RALY: variants seen among roughly 807,000 people sequenced by gnomAD.
RALY encodes RALY heterogeneous nuclear ribonucleoprotein.
Under a neutral mutation model 30.7 loss-of-function variants are expected in RALY, and 15 were observed. That is an observed-to-expected ratio of 0.49 (90% CI 0.33 to 0.75). The LOEUF (loss-of-function observed/expected upper bound fraction) is 0.75, where lower values mean the gene tolerates loss of function less well. Among genes scored for constraint, RALY ranks in the 30% least tolerant of loss-of-function variants. RALY has a pLI of 0.02. For missense variants in RALY, 339 were observed against 414.3 expected (o/e 0.82, Z 1.58); for synonymous variants, 177 against 170.8 (o/e 1.04, Z -0.28).
chr20:34,023,012 GCAGT>G (rs1027609130), intron 1 of RALY, among the ~76,000 whole-genome samples: 1 of 152,136 alleles, frequency 6.6e-6, no homozygotes, highest in African/African-American at 2.4e-5. Context: ...CCAGGAACTG[GCAGT>G]CAGTCTGACT....
intron 1 of RALY, among the ~76,000 whole-genome samples, chr20:34,011,049 A>G (rs1300026330): frequency 6.6e-6 from 1 of 151,704 alleles, no homozygotes; most frequent in Non-Finnish European, 1.5e-5. Context: ...GGGGTTCTCA[A>G]ACTGGAACAC....
intron 2 of RALY, among the ~76,000 whole-genome samples, chr20:34,052,786 T>C (rs1390960937): frequency 6.6e-6 from 1 of 152,038 alleles, no homozygotes; most frequent in African/African-American, 2.4e-5. Flanking sequence ...AGGCCCACAG[T>C]CCCCACAGTC....
rs978643952 is a variant in RALY, at chr20:34,081,954, C to T, written c.*2049C>T. The T allele has an allele frequency of 1.3e-5, 2 of 152,418 alleles. No individual in the cohort carries two copies. Among genetic ancestry groups the T allele is most frequent in the Non-Finnish European group, 2.9e-5 (2 of 68,206 alleles). The allele number at this position is 152,418 out of a possible 1,614,324, so 9.4% of individuals were successfully genotyped here. A position where few individuals can be genotyped will look rare whatever the true frequency, so the allele number is the denominator to read the frequency against. Reference sequence around the variant, plus strand: ...AGAGAGTAGAGATTTGTCAAGAGCCCATGGTGGAGGCTGAGGCCCTGAGGC... The same window carrying T: ...AGAGAGTAGAGATTTGTCAAGAGCCTATGGTGGAGGCTGAGGCCCTGAGGC... On this transcript the variant is annotated 3_prime_UTR_variant, in exon 10 of 10. Transcript: ENST00000246194.
intron 1 of RALY, among the ~76,000 whole-genome samples, chr20:34,026,692 C>T (rs1234399220): frequency 1.3e-5 from 2 of 152,038 alleles, no homozygotes; most frequent in East Asian, 3.8e-4. Flanking sequence ...TTTAAACCTG[C>T]TCAGGTGTCT....
chr20:34,076,934 C>T (rs1001072344), intron 7 of RALY, 94 bp from the exon 8 acceptor site: 65 of 1,600,664 alleles, frequency 4.1e-5, no homozygotes, highest in Non-Finnish European at 6.0e-6. Flanking sequence ...CACCTGCACT[C>T]ACCATGCTGA....
At chr20:34,078,205 C>T (rs1185949024) in intron 8 of RALY, among the ~76,000 whole-genome samples, 2 of 152,266 alleles carry the variant, frequency 1.3e-5, no homozygotes, top group African/African-American at 4.8e-5. Flanking sequence ...ATGGGGAGCT[C>T]ACCAGTCTAT....
At chr20:34,069,946 T>C (rs568502710) in intron 2 of RALY, among the ~76,000 whole-genome samples, 8 of 152,302 alleles carry the variant, frequency 5.3e-5, no homozygotes, top group African/African-American at 1.9e-4. Context: ...TTGGGTTCAC[T>C]TTAAGCCTAA....
intron 2 of RALY, among the ~76,000 whole-genome samples, chr20:34,050,366 C>G (rs1353230471): frequency 3.9e-5 from 6 of 152,216 alleles, no homozygotes; most frequent in Admixed American, 2.0e-4. Context: ...TAGGCTCAAA[C>G]CGTCTTGGTC....
Position 34,077,073 on chromosome 20 carries a change from G to A in RALY, c.704G>A (p.Gly235Asp), listed in dbSNP as rs1282300521. The change falls in exon 8 of 10, where the codon GGT (glycine) becomes GAT (aspartate). Residue 235 changes from glycine to aspartate, a missense_variant. By Grantham distance (94) the Gly-to-Asp change is moderately conservative (BLOSUM62 -1). This residue lies in a region of RALY where 268 missense variants were observed against 280.6 expected (regional missense o/e 0.95). Coordinates refer to ENST00000246194, the MANE Select transcript of RALY (RefSeq NM_016732.3). ...GGAGGTGGCGCCGGCGGCGGCGGCGGTGGTGGTGGCAGCGGTGGCGGTGGC... is the reference window on the plus strand; with the variant it reads ...GGAGGTGGCGCCGGCGGCGGCGGCGATGGTGGTGGCAGCGGTGGCGGTGGC... ...GDGGGAGGGGGGGGSGGGGSG... is the reference protein window; with the variant it reads ...GDGGGAGGGGDGGGSGGGGSG... The A allele has an allele frequency of 5.0e-6, 8 of 1,601,786 alleles. No individual in the cohort carries two copies. Among genetic ancestry groups the A allele is most frequent in the South Asian group, 1.1e-5 (1 of 90,084 alleles).
At chr20:34,049,151 G>A (rs2039601322) in intron 2 of RALY, 1 of 153,808 alleles carries the variant, frequency 6.5e-6, no homozygotes, top group Non-Finnish European at 1.5e-5. Context: ...CCTGGCTTTG[G>A]CATCTATGAA....
chr20:34,012,804 C>A (rs750376663), intron 1 of RALY, among the ~76,000 whole-genome samples: 2 of 152,238 alleles, frequency 1.3e-5, no homozygotes, highest in Non-Finnish European at 1.5e-5. Flanking sequence ...TGCCTTTTGT[C>A]AGCAGCATAG....
At chr20:34,046,039 C>G (rs577147905) in intron 2 of RALY, among the ~76,000 whole-genome samples, 20 of 152,336 alleles carry the variant, frequency 1.3e-4, no homozygotes, top group Non-Finnish European at 2.8e-4. Flanking sequence ...GCCACCTGCC[C>G]TCACTTTAGC....
intron 2 of RALY, among the ~76,000 whole-genome samples, chr20:34,054,527 A>T (rs1413665348): frequency 6.6e-6 from 1 of 152,200 alleles, no homozygotes; most frequent in Non-Finnish European, 1.5e-5. Flanking sequence ...CCACTGCCAG[A>T]TCAGAAATTG....
At chr20:34,040,403 C>T (rs1369356680) in intron 2 of RALY, among the ~76,000 whole-genome samples, 1 of 152,136 alleles carries the variant, frequency 6.6e-6, no homozygotes, top group Admixed American at 6.5e-5. Context: ...TAACACAGCC[C>T]GTACTTGTTT....
intron 2 of RALY, among the ~76,000 whole-genome samples, chr20:34,046,275 A>G (rs930055089): frequency 6.6e-6 from 1 of 152,200 alleles, no homozygotes; most frequent in African/African-American, 2.4e-5. Context: ...GAAAGAGGAT[A>G]AAGTTTGGAG....
chr20:34,012,299 T>C (rs1453333071), intron 1 of RALY, among the ~76,000 whole-genome samples: 1 of 152,140 alleles, frequency 6.6e-6, no homozygotes, highest in African/African-American at 2.4e-5. Context: ...GCTGAGCCTC[T>C]TCTTGGTGCA....
chr20:34,014,329 A>G (rs1356053699), intron 1 of RALY, among the ~76,000 whole-genome samples: 1 of 152,202 alleles, frequency 6.6e-6, no homozygotes, highest in Non-Finnish European at 1.5e-5. Flanking sequence ...CATAATTTTA[A>G]AATATGGGAG....
At chr20:33,996,193 CT>C (rs1170446726) in intron 1 of RALY, among the ~76,000 whole-genome samples, 1 of 152,124 alleles carries the variant, frequency 6.6e-6, no homozygotes, top group Non-Finnish European at 1.5e-5. Flanking sequence ...TAGCACTTGC[CT>C]TAGATGACAG....
intron 2 of RALY, among the ~76,000 whole-genome samples, chr20:34,066,169 C>CTTT (rs200689368): frequency 0.01 from 1,327 of 126,478 alleles, 36 homozygotes; most frequent in African/African-American, 0.038. Context: ...TGCTGATCCT[C>CTTT]TTTTTTTTTT....
Sources: allele counts gnomAD v4.1 joint callset (sites outside exome capture counted in the v4.1 genomes callset), GRCh38; gene constraint gnomAD v4.1.1; regional missense constraint gnomAD v4.1.1; transcripts MANE v1.5; gene names NCBI Gene and HGNC (gene_info 2026-07-23, HGNC 2026-07-21).